NUCB2: variants seen among roughly 807,000 people sequenced by gnomAD.
NUCB2 encodes nucleobindin-2.
Under a neutral mutation model 57.9 loss-of-function variants are expected in NUCB2, and 48 were observed. The observed-to-expected ratio is 0.83, with a 90% CI of 0.66 to 1.05. NUCB2 has a LOEUF of 1.05. Among genes scored for constraint, NUCB2 ranks in the 50% least tolerant of loss-of-function variants. The probability of loss-of-function intolerance (pLI) is 0.00; values close to 1 mark genes in which losing one functional copy is unlikely to be tolerated. For synonymous variants in NUCB2, 139 were observed against 152.1 expected (o/e 0.91, Z 0.64); for missense variants, 442 against 476.2 (o/e 0.93, Z 0.67).
downstream of NUCB2, among the ~76,000 whole-genome samples, chr11:17,336,627 G>A (rs11024257): frequency 6.6e-6 from 1 of 151,124 alleles, no homozygotes; most frequent in Non-Finnish European, 1.5e-5. Context: ...GGTGGCGGGC[G>A]CCTGTAGTCC....
intron 13 of NUCB2, chr11:17,331,210 T>C (rs1345507724): frequency 1.9e-6 from 1 of 529,148 alleles, no homozygotes; most frequent in South Asian, 3.3e-5. Context: ...TTGATAACCA[T>C]ATTTATGGTA....
chr11:17,309,676 G>T lies in NUCB2; in HGVS notation c.483+1G>T, dbSNP rs922117937. ...AGATTTAGATATGCTAATCAAAGCG[G>T]TGAGAATAATTCCAAAAAGTTTTGT... On this transcript the variant is annotated splice_donor_variant, in intron 6 of 13. Transcript: ENST00000529010. LOFTEE classifies it high-confidence loss of function. 1.3e-6 allele frequency: 2 copies of T among 1,577,992 alleles called. No individual in the cohort carries two copies. The highest frequency in any genetic ancestry group is 1.9e-5 in the Admixed American group (1 of 51,992).
rs537607343 is a variant in NUCB2, at chr11:17,311,385, T to G, written c.760+102T>G. The G allele has an allele frequency of 2.4e-5, 19 of 777,852 alleles. No homozygotes were observed. The African/African-American group carries it at 3.2e-4, about 13-fold the overall frequency. The allele number at this position is 777,852 out of a possible 1,614,324, so 48.2% of individuals were successfully genotyped here. On this transcript the variant is annotated intron_variant, in intron 8 of 13. Transcript: ENST00000529010. The stretch of plus-strand genomic sequence containing the variant: ...GCCAAGGTCTGCTATTGAGTTCTAG[T>G]GAGAGTAAATGGTTAGAGTTTTTCT...
rs190261339 is a variant in NUCB2 at position 17,305,895 on chromosome 11, G to A, written c.380-3677G>A. The stretch of plus-strand genomic sequence containing the variant: ...TCTGCCTTGGCCTCCTAAAGTGCAG[G>A]GATTATAGGTGTATGCCACCACACC... On this transcript the variant is annotated intron_variant, in intron 5 of 13. Transcript: ENST00000529010. 2.6e-4 allele frequency among the ~76,000 whole-genome samples: 39 copies of A among 152,032 alleles called. 1 individual carries two copies. Among genetic ancestry groups the A allele is most frequent in the Admixed American group, 2.4e-3 (37 of 15,240 alleles).
intron 2 of NUCB2, among the ~76,000 whole-genome samples, chr11:17,340,211 G>A (rs1197429468): frequency 6.6e-6 from 1 of 151,936 alleles, no homozygotes; most frequent in Non-Finnish European, 1.5e-5. Context: ...TTTTTTTCTT[G>A]CAAATTTGTT....
chr11:17,342,108 G>A (rs1469461637), intron 2 of NUCB2, among the ~76,000 whole-genome samples: 5 of 152,198 alleles, frequency 3.3e-5, no homozygotes, highest in Non-Finnish European at 5.9e-5. Context: ...TTGCATGGAG[G>A]TGTTCACAGT....
chr11:17,316,260 G>A (rs1190091691), intron 11 of NUCB2, among the ~76,000 whole-genome samples: 48 of 152,206 alleles, frequency 3.2e-4, no homozygotes, highest in Admixed American at 2.9e-3. Context: ...ATAAGCCACC[G>A]CATCAGGCCA....
chr11:17,302,367 A>G (rs1946886160), intron 5 of NUCB2, among the ~76,000 whole-genome samples: 1 of 152,190 alleles, frequency 6.6e-6, no homozygotes, highest in Non-Finnish European at 1.5e-5. Flanking sequence ...ATAAGCCATA[A>G]TTATAGCAAT....
rs1565425711 is a variant in NUCB2, at chr11:17,309,605, A to G, written c.413A>G (p.Gln138Arg). The change falls in exon 6 of 14, where the codon CAA becomes CGA. Residue 138 changes from glutamine (Q) to arginine (R), a missense_variant. Gln to Arg is a conservative substitution (Grantham distance 43). Coordinates refer to ENST00000529010, the MANE Select transcript of NUCB2 (RefSeq NM_005013.4). ...IGMDHQALLK[Q>R]FDHLNHLNPD... ...ATGGACCACCAAGCTCTTCTAAAACAATTTGATCACCTAAACCACCTGAAT... is the reference window on the plus strand; with the variant it reads ...ATGGACCACCAAGCTCTTCTAAAACGATTTGATCACCTAAACCACCTGAAT... 1.9e-6 allele frequency: 3 copies of G among 1,605,034 alleles called. No individual in the cohort carries two copies. The highest frequency in any genetic ancestry group is 2.5e-6 in the Non-Finnish European group (3 of 1,176,884).
chr11:17,300,348 G>A (rs552467949), intron 4 of NUCB2, among the ~76,000 whole-genome samples: 2 of 152,186 alleles, frequency 1.3e-5, no homozygotes, highest in Admixed American at 6.5e-5. Context: ...CCACAGAGTC[G>A]TGAAATCATC....
At position 17,295,389 on chromosome 11, in the gene NUCB2, T is replaced by C; in HGVS notation, c.66T>C (p.Leu22=). The change falls in exon 3 of 14, where the codon CTT becomes CTC. Residue 22 remains leucine (L), a synonymous_variant. Coordinates refer to ENST00000529010, the MANE Select transcript of NUCB2 (RefSeq NM_005013.4). ...FLLITCLLTA[L]EAVPIDIDKT... is the part of the protein sequence containing the mutation. ...TGATTACATGTTTACTTACTGCTCT[T>C]GAAGCTGTGCCTATTGACATAGACA... 6 of 1,613,570 alleles carry C rather than the reference T, an allele frequency of 3.7e-6. No individual in the cohort carries two copies. The highest frequency in any genetic ancestry group is 5.1e-6 in the Non-Finnish European group (6 of 1,179,696).
At chr11:17,322,574 G>A (rs1288805304) in intron 11 of NUCB2, among the ~76,000 whole-genome samples, 4 of 152,042 alleles carry the variant, frequency 2.6e-5, no homozygotes, top group African/African-American at 9.7e-5. Flanking sequence ...TAGGTCTTTT[G>A]TAGTTTCACA....
intron 2 of NUCB2, among the ~76,000 whole-genome samples, chr11:17,290,193 A>G (rs1279118176): frequency 1.3e-5 from 2 of 152,216 alleles, no homozygotes; most frequent in Non-Finnish European, 2.9e-5. Flanking sequence ...TATTTGCTTC[A>G]CTAACATCAG....
At chr11:17,337,084 G>A (rs925099705), downstream of NUCB2, among the ~76,000 whole-genome samples, 35 of 151,814 alleles carry the variant, frequency 2.3e-4, 2 homozygotes, top group African/African-American at 5.8e-4. Context: ...GGGACTCCAG[G>A]TGTGTGCTTC....
At chr11:17,320,521 G>C (rs944572734) in intron 11 of NUCB2, among the ~76,000 whole-genome samples, 7 of 152,100 alleles carry the variant, frequency 4.6e-5, no homozygotes, top group Non-Finnish European at 1.0e-4. Context: ...GCCGGGAGTG[G>C]TGGTGCACTC....
At chr11:17,308,284 G>T (rs183319260) in intron 5 of NUCB2, among the ~76,000 whole-genome samples, 1 of 152,260 alleles carries the variant, frequency 6.6e-6, no homozygotes, top group Non-Finnish European at 1.5e-5. Flanking sequence ...CTGGCACTAG[G>T]TACGCTCCTT....
At position 17,345,325 on chromosome 11, in the gene NUCB2, TA is replaced by T. The variant is rs200566644; in HGVS notation, n.2627-4017del. On this transcript the variant is annotated intron_variant and non_coding_transcript_variant, in intron 2 of 2. Transcript: ENST00000532240. ...GAATGATGGTTTACATATCCTATTT[TA>T]AAGTCAAGATTTTAAAGAGCTTTTA... 6.2e-3 allele frequency among the ~76,000 whole-genome samples: 943 copies of T among 152,348 alleles called. 14 individuals carry two copies. Among genetic ancestry groups the T allele is most frequent in the African/African-American group, 0.021 (864 of 41,588 alleles).
intron 11 of NUCB2, among the ~76,000 whole-genome samples, chr11:17,323,516 T>C (rs748385474): frequency 2.0e-5 from 3 of 152,232 alleles, no homozygotes; most frequent in Non-Finnish European, 2.9e-5. Flanking sequence ...ACCAGAGCTA[T>C]TGGCTTGTAA....
intron 13 of NUCB2, 32 bp from the exon 14 acceptor site, chr11:17,331,380 T>A (rs768424008): frequency 7.4e-7 from 1 of 1,347,102 alleles, no homozygotes; most frequent in East Asian, 2.6e-5. Context: ...AAGATACTTT[T>A]AAAATAAGAA....
Sources: allele counts gnomAD v4.1 joint callset (sites outside exome capture counted in the v4.1 genomes callset), GRCh38; gene constraint gnomAD v4.1.1; transcripts MANE v1.5; gene names NCBI Gene and HGNC (gene_info 2026-07-23, HGNC 2026-07-21).